The following EPX variants were observed in gnomAD, a reference collection of about 807,000 sequenced individuals.
EPX encodes eosinophil peroxidase.
A neutral mutation model predicts 73.0 loss-of-function variants in EPX; 60 were observed. The observed-to-expected ratio is 0.82, with a 90% CI of 0.67 to 1.02. EPX has a LOEUF of 1.02. EPX is among the 50% of genes least tolerant of loss of function. The probability of loss-of-function intolerance (pLI) is 0.00; values close to 1 mark genes in which losing one functional copy is unlikely to be tolerated. For synonymous variants in EPX, 347 were observed against 389.2 expected, an observed-to-expected ratio of 0.89 and a Z score of 1.28; for missense variants, 950 against 973.9, an observed-to-expected ratio of 0.98 and a Z score of 0.33.
chr17:58,193,383 G>C lies in EPX; in HGVS notation c.183G>C (p.Arg61=). 1 of 1,614,190 alleles carries C rather than the reference G, an allele frequency of 6.2e-7. No individual in the cohort carries two copies. ...CTCTCCTGGGCAGCATCAAGCAGCG[G>C]CTTCGCAGCGGTTCAGCCAGCCCCA... is the stretch of plus-strand genomic sequence containing the variant. The part of the protein sequence containing the change: ...YNWTQKSIKQ[R]LRSGSASPMD... Residue 61 remains arginine, a synonymous_variant, in exon 3 of 13, where the codon CGG becomes CGC. Coordinates refer to ENST00000225371, the MANE Select transcript of EPX (RefSeq NM_000502.6).
At position 58,199,640 on chromosome 17, in the gene EPX, G is replaced by C. The variant is rs375498777; in HGVS notation, c.1383G>C (p.Arg461=). 4.3e-6 allele frequency: 7 copies of C among 1,614,110 alleles called. No homozygotes were observed. In the African/African-American group the frequency reaches 9.3e-5, roughly 22 times the overall value. The change falls in exon 9 of 13, where the codon CGG becomes CGC. Residue 461 remains arginine (R), a synonymous_variant. Coordinates refer to ENST00000225371, the MANE Select transcript of EPX (RefSeq NM_000502.6). The part of the protein sequence containing the change: ...YRGYCSNVDP[R]VANVFTLAFR... ...GGTACTGCTCCAATGTGGACCCACG[G>C]GTGGCCAATGTCTTCACCCTGGCCT...
At chr17:58,195,537 C>T (rs531031070) in intron 6 of EPX, among the ~76,000 whole-genome samples, 1 of 152,166 alleles carries the variant, frequency 6.6e-6, no homozygotes, top group Non-Finnish European at 1.5e-5. Context: ...AAGGGTCCTG[C>T]GGCTCTTGCC....
rs548109742 is a variant in EPX, at chr17:58,199,854, G to A, written c.1537+60G>A. 1.6e-5 allele frequency: 25 copies of A among 1,573,652 alleles called. No individual in the cohort carries two copies. The South Asian group carries it at 2.8e-4, about 17-fold the overall frequency. On this transcript the variant is annotated intron_variant, in intron 9 of 12. Transcript: ENST00000225371. ...GGGTGGGGAGCATGCCCTCCCCTAG[G>A]TGGGCCAAGCTTACTGCCAGGAAGC...
intron 9 of EPX, 81 bp downstream of exon 9, chr17:58,199,875 G>T: frequency 6.8e-7 from 1 of 1,477,606 alleles, no homozygotes; most frequent in Non-Finnish European, 9.3e-7. Flanking sequence ...TTACTGCCAG[G>T]AAGCCAGGCT....
Position 58,199,604 on chromosome 17 carries a change from G to A in EPX, c.1347G>A (p.Gly449=), listed in dbSNP as rs1456071855. 1 of 1,614,026 alleles carries A rather than the reference G, an allele frequency of 6.2e-7. No homozygotes were observed. Among genetic ancestry groups the A allele is most frequent in the Non-Finnish European group, 8.5e-7 (1 of 1,180,014 alleles). Residue 449 remains glycine, a synonymous_variant, in exon 9 of 13, where the codon GGG becomes GGA. Transcript: ENST00000225371. The part of the protein sequence containing the change: ...LGKARARRTL[G]HYRGYCSNVD... Reference sequence around the variant, plus strand: ...AGGCCCGGGCCAGGAGAACCCTGGGGCACTACAGGGGGTACTGCTCCAATG... The same window carrying A: ...AGGCCCGGGCCAGGAGAACCCTGGGACACTACAGGGGGTACTGCTCCAATG...
intron 6 of EPX, among the ~76,000 whole-genome samples, chr17:58,195,938 CTCCT>C (rs33954589): frequency 6.7e-6 from 1 of 150,104 alleles, no homozygotes; most frequent in Non-Finnish European, 1.5e-5. Flanking sequence ...TCTCCTCTCT[CTCCT>C]TCCTTCCTTC....
chr17:58,199,063 C>G lies in EPX; in HGVS notation c.1144C>G (p.Pro382Ala). The G allele has an allele frequency of 6.2e-7, 1 of 1,613,982 alleles. No individual in the cohort carries two copies. The highest frequency in any genetic ancestry group is 1.1e-5 in the South Asian group (1 of 91,086). The change falls in exon 8 of 13, where the codon CCC becomes GCC. Residue 382 changes from proline to alanine, a missense_variant. Pro to Ala is a conservative substitution (Grantham distance 27, BLOSUM62 -1). Coordinates refer to ENST00000225371, the MANE Select transcript of EPX (RefSeq NM_000502.6). The part of the protein sequence containing the change: ...LAGDTRSTET[P>A]KLAAMHTLFM... ...AGGTGACACCCGATCAACGGAAACC[C>G]CCAAACTGGCAGCCATGCACACCCT...
Position 58,197,049 on chromosome 17 carries a change from G to A in EPX, c.912G>A (p.Ala304=), listed in dbSNP as rs753929272. The A allele has an allele frequency of 1.3e-5, 21 of 1,614,002 alleles. No homozygotes were observed. The highest frequency in any genetic ancestry group is 1.6e-4 in the Middle Eastern group (1 of 6,084). The change falls in exon 7 of 13, where the codon GCG becomes GCA. Residue 304 remains alanine, a synonymous_variant. Coordinates refer to ENST00000225371, the MANE Select transcript of EPX (RefSeq NM_000502.6). Reference sequence around the variant, plus strand: ...ACAGAGTCCGCAACCAGATCAACGCGCTCACCTCCTTTGTGGACGCCAGCA... The same window carrying A: ...ACAGAGTCCGCAACCAGATCAACGCACTCACCTCCTTTGTGGACGCCAGCA... ...NKNRVRNQIN[A]LTSFVDASMV...
rs1968322788 is a variant in EPX, at chr17:58,200,330, TGAG to T, written c.1649_1651del (p.Arg550del). The T allele has an allele frequency of 1.2e-6, 2 of 1,614,156 alleles. No individual in the cohort carries two copies. The highest frequency in any genetic ancestry group is 1.7e-6 in the Non-Finnish European group (2 of 1,180,014). ...CTCCGGGACCGGCTGTTTCGGCAAG[TGAG>T]GAGGATTGGGCTGGACCTGGCAGCT... is the stretch of plus-strand genomic sequence containing the variant. On this transcript the variant is annotated inframe_deletion, in exon 10 of 13. Coordinates refer to ENST00000225371, the MANE Select transcript of EPX (RefSeq NM_000502.6).
In EPX at chr17:58,199,780, G is replaced by T. The variant is rs1003830294; in HGVS notation, c.1523G>T (p.Arg508Leu). The change falls in exon 9 of 13, where the codon CGG becomes CTG. Residue 508 changes from arginine to leucine, a missense_variant. Arg to Leu is a moderately radical substitution (Grantham distance 102). Coordinates refer to ENST00000225371, the MANE Select transcript of EPX (RefSeq NM_000502.6). ...AGCTCTGCCTTCTTTGCCAGCTGGC[G>T]GATCGTGTATGAAGGTGACCAGGTT... The part of the protein sequence containing the change: ...PLSSAFFASW[R>L]IVYEGGIDPI... The T allele has an allele frequency of 6.2e-7, 1 of 1,613,910 alleles. No individual in the cohort carries two copies. The highest frequency in any genetic ancestry group is 1.3e-5 in the African/African-American group (1 of 74,938).
Position 58,204,213 on chromosome 17 carries a change from G to A in EPX, c.1947-9G>A. ...CAGCCTTCACCCACATCTCTCGACT[G>A]CCTGGTAGGTTCTGGTGGCAGAAAC... On this transcript the variant is annotated splice_polypyrimidine_tract_variant and intron_variant, in intron 11 of 12. Transcript: ENST00000225371. The A allele has an allele frequency of 1.2e-6, 2 of 1,611,128 alleles. No homozygotes were observed. The highest frequency in any genetic ancestry group is 1.7e-6 in the Non-Finnish European group (2 of 1,177,322).
At chr17:58,193,920 C>G (rs371099774) in intron 4 of EPX, 43 bp from the exon 5 acceptor site, 6 of 1,612,296 alleles carry the variant, frequency 3.7e-6, no homozygotes, top group Non-Finnish European at 5.1e-6. Context: ...TGAGCCATCT[C>G]CAGGCCCTGC....
In EPX at chr17:58,197,065, G is replaced by C. The variant is rs368399598; in HGVS notation, c.928G>C (p.Asp310His). The change falls in exon 7 of 13, where the codon GAC becomes CAC. Residue 310 changes from aspartate (D) to histidine (H), a missense_variant. Coordinates refer to ENST00000225371, the MANE Select transcript of EPX (RefSeq NM_000502.6). ...GATCAACGCGCTCACCTCCTTTGTG[G>C]ACGCCAGCATGGTGTATGGCAGTGA... ...NQINALTSFV[D>H]ASMVYGSEVS... The C allele has an allele frequency of 5.5e-5, 89 of 1,614,046 alleles. No homozygotes were observed. Among genetic ancestry groups the C allele is most frequent in the Non-Finnish European group, 7.3e-5 (86 of 1,180,036 alleles).
At chr17:58,200,666 G>A (rs1968328395) in intron 10 of EPX, among the ~76,000 whole-genome samples, 1 of 152,170 alleles carries the variant, frequency 6.6e-6, no homozygotes, top group Admixed American at 6.5e-5. Flanking sequence ...AGGGAGGCTC[G>A]AACTTTCCAA....
rs1212120169 is a variant in EPX at position 58,193,036 on chromosome 17, A to AGTGGAT, written c.77-1_77insTGGATG. On this transcript the variant is annotated splice_acceptor_variant, in intron 1 of 12. Coordinates refer to ENST00000225371, the MANE Select transcript of EPX (RefSeq NM_000502.6). LOFTEE classifies it high-confidence loss of function. Reference sequence around the variant, plus strand: ...ACCCTGAGTCCCCATCTCTTTGAACAGCCTCCCCTGGGGCAGTGGAGACCT... The same window carrying AGTGGAT: ...ACCCTGAGTCCCCATCTCTTTGAACAGTGGATGCCTCCCCTGGGGCAGTGGAGACCT... 6.2e-7 allele frequency: 1 copy of AGTGGAT among 1,609,956 alleles called. No homozygotes were observed. Among genetic ancestry groups the AGTGGAT allele is most frequent in the East Asian group, 2.2e-5 (1 of 44,858 alleles).
chr17:58,203,440 A>G, intron 11 of EPX, 122 bp downstream of exon 11: 3 of 803,554 alleles, frequency 3.7e-6, no homozygotes, highest in Non-Finnish European at 6.4e-6. Context: ...AGTTCACAGG[A>G]TCTGAAATCA....
In EPX at chr17:58,197,056, T is replaced by A. The variant is rs1329481711; in HGVS notation, c.919T>A (p.Ser307Thr). 6.2e-7 allele frequency: 1 copy of A among 1,614,086 alleles called. No individual in the cohort carries two copies. Among genetic ancestry groups the A allele is most frequent in the South Asian group, 1.1e-5 (1 of 91,066 alleles). Reference protein sequence around the residue: ...RVRNQINALTSFVDASMVYGS... With the variant: ...RVRNQINALTTFVDASMVYGS... ...CCGCAACCAGATCAACGCGCTCACC[T>A]CCTTTGTGGACGCCAGCATGGTGTA... The change falls in exon 7 of 13, where the codon TCC becomes ACC. Residue 307 changes from serine to threonine, a missense_variant. Ser to Thr is a moderately conservative substitution (Grantham distance 58). Coordinates refer to ENST00000225371, the MANE Select transcript of EPX (RefSeq NM_000502.6).
Position 58,194,035 on chromosome 17 carries a change from GTCGCTCCCCT to G in EPX, c.541_550del (p.Leu181AlafsTer31). The G allele has an allele frequency of 6.2e-7, 1 of 1,613,466 alleles. No individual in the cohort carries two copies. Among genetic ancestry groups the G allele is most frequent in the Non-Finnish European group, 8.5e-7 (1 of 1,180,012 alleles). ...TGCCCGCCGAGTATGAGGATGGGCT[GTCGCTCCCCT>G]TCGGCTGGACCCCCAGCAGGAGGCG... On this transcript the variant is annotated frameshift_variant, in exon 5 of 13. Coordinates refer to ENST00000225371, the MANE Select transcript of EPX (RefSeq NM_000502.6). LOFTEE classifies it high-confidence loss of function.
intron 9 of EPX, 56 bp from the exon 10 acceptor site, chr17:58,200,169 C>T (rs1236478974): frequency 6.4e-7 from 1 of 1,563,568 alleles, no homozygotes; most frequent in Non-Finnish European, 8.8e-7. Flanking sequence ...TGTGATAACC[C>T]AAGTAGCTTC....
Sources: allele counts gnomAD v4.1 joint callset (sites outside exome capture counted in the v4.1 genomes callset), GRCh38; gene constraint gnomAD v4.1.1; transcripts MANE v1.5; gene names NCBI Gene and HGNC (gene_info 2026-07-23, HGNC 2026-07-21).